Variants in TTLL5 observed in about 807,000 individuals in gnomAD.
TTLL5 encodes the protein tubulin polyglutamylase TTLL5.
TTLL5 carries 132 observed loss-of-function variants against 168.4 expected under a neutral mutation model. The observed-to-expected ratio is 0.78, with a 90% CI of 0.68 to 0.91. The LOEUF (loss-of-function observed/expected upper bound fraction) is 0.91. Ranked by LOEUF, TTLL5 falls within the 40% of genes least tolerant of loss-of-function variation. TTLL5 has a pLI of 0.00. For synonymous variants in TTLL5, 546 were observed against 558.6 expected (o/e 0.98, Z 0.32); for missense variants, 1,545 against 1,581.5 (o/e 0.98, Z 0.39).
intron 18 of TTLL5, among the ~76,000 whole-genome samples, chr14:75,754,164 TTAAG>T (rs1367474101): frequency 2.2e-4 from 33 of 152,220 alleles, no homozygotes; most frequent in African/African-American, 6.8e-4. Flanking sequence ...GGGTGTTTAA[TTAAG>T]TTTTTTATTT....
intron 29 of TTLL5, among the ~76,000 whole-genome samples, chr14:75,882,391 G>A (rs1436159513): frequency 6.6e-6 from 1 of 152,202 alleles, no homozygotes; most frequent in Non-Finnish European, 1.5e-5. Context: ...ACTACACTGA[G>A]AGATCAGATG....
chr14:75,760,640 G>A (rs1050814135), intron 18 of TTLL5, among the ~76,000 whole-genome samples: 10 of 151,944 alleles, frequency 6.6e-5, no homozygotes, highest in Non-Finnish European at 1.5e-4. Context: ...CCCAGAAATA[G>A]ACCCACATTT....
chr14:75,915,716 A>G (rs2033591863), intron 31 of TTLL5, among the ~76,000 whole-genome samples: 1 of 152,260 alleles, frequency 6.6e-6, no homozygotes, highest in South Asian at 2.1e-4. Context: ...CAAAGAAGAT[A>G]TGCAAATAAC....
intron 31 of TTLL5, among the ~76,000 whole-genome samples, chr14:75,915,418 A>G (rs910220371): frequency 6.6e-6 from 1 of 152,202 alleles, no homozygotes; most frequent in Non-Finnish European, 1.5e-5. Flanking sequence ...TCACAGGGCC[A>G]TGCAGCATTA....
In TTLL5 at chr14:75,915,956, C is replaced by T. The variant is rs1173634015; in HGVS notation, c.3823+13732C>T. Reference sequence around the variant, plus strand: ...CAACCTGGGCAACACAGTGAAACACCGTCTCTACAGACAATAAAAACAATT... The same window carrying T: ...CAACCTGGGCAACACAGTGAAACACTGTCTCTACAGACAATAAAAACAATT... On this transcript the variant is annotated intron_variant, in intron 31 of 31. Coordinates refer to ENST00000298832, the MANE Select transcript of TTLL5 (RefSeq NM_015072.5). Among the ~76,000 whole-genome samples, 5 of 151,956 alleles carry T rather than the reference C, an allele frequency of 3.3e-5. No homozygotes were observed. The East Asian group carries it at 5.9e-4, about 18-fold the overall frequency.
At chr14:75,715,649 C>G (rs1371104607) in intron 9 of TTLL5, among the ~76,000 whole-genome samples, 2 of 152,122 alleles carry the variant, frequency 1.3e-5, no homozygotes, top group African/African-American at 4.8e-5. Context: ...TTCAGGGGAA[C>G]TTTTCCTTTA....
chr14:75,755,554 A>G (rs1202568384), intron 18 of TTLL5, among the ~76,000 whole-genome samples: 1 of 152,042 alleles, frequency 6.6e-6, no homozygotes, highest in Non-Finnish European at 1.5e-5. Context: ...TCTAATTTAG[A>G]TTCCCAGATT....
intron 29 of TTLL5, 151 bp downstream of exon 29, chr14:75,864,013 C>T: frequency 1.4e-6 from 1 of 737,092 alleles, no homozygotes; most frequent in Non-Finnish European, 2.0e-6. Flanking sequence ...GGAGTCTACT[C>T]TTGAGGAAAA....
chr14:75,748,864 C>G (rs1466561360), intron 17 of TTLL5, among the ~76,000 whole-genome samples: 19 of 152,138 alleles, frequency 1.2e-4, no homozygotes, highest in Admixed American at 1.2e-3. Flanking sequence ...AAGGTTGACA[C>G]TCTTTGTACT....
chr14:75,886,934 G>A, intron 30 of TTLL5: 2 of 1,428,600 alleles, frequency 1.4e-6, no homozygotes, highest in Non-Finnish European at 9.1e-7. Context: ...GAAAGGGTGG[G>A]GCCAAAGATG....
At chr14:75,725,438 AT>A (rs759891959) in intron 12 of TTLL5, among the ~76,000 whole-genome samples, 1 of 152,222 alleles carries the variant, frequency 6.6e-6, no homozygotes, top group Non-Finnish European at 1.5e-5. Flanking sequence ...TCAAGCAAAC[AT>A]TGGTTATTTC....
In TTLL5 at chr14:75,954,415, CT is replaced by C; in HGVS notation, c.3824-4del. On this transcript the variant is annotated splice_polypyrimidine_tract_variant and splice_region_variant and intron_variant, in intron 31 of 31. Coordinates refer to ENST00000298832, the MANE Select transcript of TTLL5 (RefSeq NM_015072.5). ...TCATTCATTTCATGGTTGCCTTTCT[CT>C]TTTTCAGATCCTGCTCACACTAAAA... 1 of 1,613,958 alleles carries C rather than the reference CT, an allele frequency of 6.2e-7. No homozygotes were observed. The highest frequency in any genetic ancestry group is 1.3e-5 in the African/African-American group (1 of 75,006).
chr14:75,928,367 A>ATATATATC (rs900278672), intron 31 of TTLL5, among the ~76,000 whole-genome samples: 1 of 140,100 alleles, frequency 7.1e-6, no homozygotes. Context: ...ATATATATAT[A>ATATATATC]TCACTGTATT....
intron 5 of TTLL5, among the ~76,000 whole-genome samples, chr14:75,687,092 C>T (rs1207817787): frequency 6.6e-6 from 1 of 151,746 alleles, no homozygotes; most frequent in Non-Finnish European, 1.5e-5. Flanking sequence ...ATTTTTATAC[C>T]TGTGAATCAA....
At chr14:75,873,210 A>G (rs776369602) in intron 29 of TTLL5, among the ~76,000 whole-genome samples, 85 of 151,732 alleles carry the variant, frequency 5.6e-4, no homozygotes, top group Non-Finnish European at 1.1e-3. Flanking sequence ...AGTAGCTGGG[A>G]CTACAGGTGC....
intron 31 of TTLL5, among the ~76,000 whole-genome samples, chr14:75,944,304 A>G (rs1254690495): frequency 1.3e-5 from 2 of 152,148 alleles, no homozygotes; most frequent in African/African-American, 2.4e-5. Flanking sequence ...CAAGCTTCAG[A>G]TGATCCTCAG....
intron 18 of TTLL5, among the ~76,000 whole-genome samples, chr14:75,763,253 CTCTGTGTGTGTGTG>C (rs1252955304): frequency 1.4e-5 from 2 of 145,494 alleles, no homozygotes; most frequent in African/African-American, 5.1e-5. Flanking sequence ...ATAGCTCTCT[CTCTGTGTGTGTGTG>C]TGTGTGTGTG....
At chr14:75,916,382 C>T (rs1211370674) in intron 31 of TTLL5, among the ~76,000 whole-genome samples, 6 of 152,118 alleles carry the variant, frequency 3.9e-5, no homozygotes, top group Admixed American at 3.9e-4. Context: ...TGGCTCACAC[C>T]TGTAATCCCA....
chr14:75,927,723 C>T (rs1370287074), intron 31 of TTLL5, among the ~76,000 whole-genome samples: 8 of 152,200 alleles, frequency 5.3e-5, no homozygotes, highest in African/African-American at 1.9e-4. Flanking sequence ...GCAGCTGTCC[C>T]TGGGCCTGGC....
Sources: allele counts gnomAD v4.1 joint callset (sites outside exome capture counted in the v4.1 genomes callset), GRCh38; gene constraint gnomAD v4.1.1; transcripts MANE v1.5; gene names NCBI Gene and HGNC (gene_info 2026-07-23, HGNC 2026-07-21).